The following TAFA2 variants were observed in gnomAD, a reference collection of about 807,000 sequenced individuals.
TAFA2 encodes chemokine-like protein TAFA-2.
A neutral mutation model predicts 18.8 loss-of-function variants in TAFA2; 7 were observed. The ratio of observed to expected loss-of-function variants is 0.37; its 90% CI spans 0.21 to 0.70. The LOEUF (loss-of-function observed/expected upper bound fraction) is 0.70. TAFA2 is among the 30% of genes least tolerant of loss of function. TAFA2 has a pLI of 0.53. For synonymous variants in TAFA2, 60 were observed against 54.2 expected, an observed-to-expected ratio of 1.11 and a Z score of -0.47; for missense variants, 122 against 158.1, an observed-to-expected ratio of 0.77 and a Z score of 1.23.
At position 61,789,378 on chromosome 12, in the gene TAFA2, A is replaced by G. The variant is rs1169436904; in HGVS notation, c.107-34354T>C. Among the ~76,000 whole-genome samples the G allele has an allele frequency of 2.0e-5, 3 of 152,000 alleles. No individual in the cohort carries two copies. The East Asian group carries it at 5.8e-4, about 30-fold the overall frequency. ...CTGCACATGGCTAGCCAGTTTTCCCAACACCATTTATTAAATAGGGAATCC... is the reference window on the plus strand; with the variant it reads ...CTGCACATGGCTAGCCAGTTTTCCCGACACCATTTATTAAATAGGGAATCC... On this transcript the variant is annotated intron_variant, in intron 2 of 4. Coordinates refer to ENST00000416284, the MANE Select transcript of TAFA2 (RefSeq NM_178539.5).
intron 1 of TAFA2, among the ~76,000 whole-genome samples, chr12:62,146,283 G>GC (rs1287722323): frequency 1.2e-5 from 1 of 82,704 alleles, no homozygotes. Flanking sequence ...CCCCTTTGCT[G>GC]CTTTTTTTTT....
At position 61,760,622 on chromosome 12, in the gene TAFA2, A is replaced by G. The variant is rs1869502516; in HGVS notation, c.107-5598T>C. ...CAAGCAATTTAAAAAGATAAAACTA[A>G]TTCCTGTGGTTTTTCTTTAAAAGGT... On this transcript the variant is annotated intron_variant, in intron 2 of 4. Coordinates refer to ENST00000416284, the MANE Select transcript of TAFA2 (RefSeq NM_178539.5). Among the ~76,000 whole-genome samples, 6 of 151,726 alleles carry G rather than the reference A, an allele frequency of 4.0e-5. No individual in the cohort carries two copies. The South Asian group carries it at 1.2e-3, about 31-fold the overall frequency.
chr12:62,230,683 T>C (rs1026144126), intron 1 of TAFA2, among the ~76,000 whole-genome samples: 2 of 152,188 alleles, frequency 1.3e-5, no homozygotes, highest in African/African-American at 4.8e-5. Context: ...TGTTTGTTTG[T>C]TTGTTTGTTT....
Position 61,753,746 on chromosome 12 carries a change from G to A in TAFA2, c.260C>T (p.Ala87Val). 6.3e-7 allele frequency: 1 copy of A among 1,597,368 alleles called. No individual in the cohort carries two copies. The highest frequency in any genetic ancestry group is 8.5e-7 in the Non-Finnish European group (1 of 1,173,170). Residue 87 changes from alanine to valine, a missense_variant and splice_region_variant, in exon 4 of 5, where the codon GCT becomes GTT. Around this residue, in one of 2 missense-constraint regions of TAFA2, gnomAD observed 60 missense variants for 102.7 expected, o/e 0.58. Transcript: ENST00000416284. Reference protein sequence around the residue: ...TTRAAPSCVDASIVEQKWWCH... With the variant: ...TTRAAPSCVDVSIVEQKWWCH... ...CCACCATTTCTGTTCCACTATTGAA[G>A]CTATAAGAGAGAAAAAAAATTGACT...
At chr12:61,872,343 G>T (rs184077206) in intron 1 of TAFA2, among the ~76,000 whole-genome samples, 1 of 152,062 alleles carries the variant, frequency 6.6e-6, no homozygotes, top group Non-Finnish European at 1.5e-5. Flanking sequence ...TCTTTACATT[G>T]ATCTAAATAC....
intron 1 of TAFA2, among the ~76,000 whole-genome samples, chr12:62,124,295 G>A (rs535917695): frequency 3.5e-5 from 5 of 143,122 alleles, no homozygotes; most frequent in African/African-American, 1.2e-4. Flanking sequence ...AGATTTCTGA[G>A]GAAGTTAAAA....
rs143208817 is a variant in TAFA2, at chr12:61,956,085, C to G, written c.-1-88659G>C. On this transcript the variant is annotated intron_variant, in intron 1 of 4. Coordinates refer to ENST00000416284, the MANE Select transcript of TAFA2 (RefSeq NM_178539.5). The stretch of plus-strand genomic sequence containing the variant: ...CTAGTTTCCCACAAATGTATGCATA[C>G]TAGCTAGATTTTTTTCAAACACTTT... Among the ~76,000 whole-genome samples the G allele has an allele frequency of 3.3e-3, 507 of 152,166 alleles. 1 individual carries two copies. The highest frequency in any genetic ancestry group is 5.9e-3 in the Non-Finnish European group (399 of 68,010).
At chr12:62,178,960 T>C (rs2062533684) in intron 1 of TAFA2, among the ~76,000 whole-genome samples, 1 of 152,226 alleles carries the variant, frequency 6.6e-6, no homozygotes, top group Non-Finnish European at 1.5e-5. Flanking sequence ...GTATGATTTT[T>C]ACCTTTCTCT....
chr12:61,785,246 C>T (rs552267889), intron 2 of TAFA2, among the ~76,000 whole-genome samples: 5 of 150,988 alleles, frequency 3.3e-5, no homozygotes, highest in African/African-American at 1.2e-4. Flanking sequence ...TTTCATGTAA[C>T]GTAATGTCCT....
rs377355571 is a variant in TAFA2, at chr12:61,936,289, G to A, written c.-1-68863C>T. Among the ~76,000 whole-genome samples, 24 of 152,010 alleles carry A rather than the reference G, an allele frequency of 1.6e-4. No homozygotes were observed. The South Asian group carries it at 1.9e-3, about 12-fold the overall frequency. ...CAACAAAATCCAGCATCCCTTGGCC[G>A]GGCACAGTTGCTAATGCCTGTAATC... On this transcript the variant is annotated intron_variant, in intron 1 of 4. Coordinates refer to ENST00000416284, the MANE Select transcript of TAFA2 (RefSeq NM_178539.5).
chr12:61,950,808 C>A (rs1878439492), intron 1 of TAFA2, among the ~76,000 whole-genome samples: 1 of 152,044 alleles, frequency 6.6e-6, no homozygotes, highest in African/African-American at 2.4e-5. Context: ...ATTATAATAA[C>A]CAGTAGATAG....
chr12:62,018,258 G>A (rs977149816), intron 1 of TAFA2, among the ~76,000 whole-genome samples: 1 of 152,034 alleles, frequency 6.6e-6, no homozygotes, highest in Non-Finnish European at 1.5e-5. Context: ...TTAACATACT[G>A]GAATAACAAT....
chr12:61,835,786 G>A (rs1872895709), intron 2 of TAFA2, among the ~76,000 whole-genome samples: 1 of 151,802 alleles, frequency 6.6e-6, no homozygotes, highest in Admixed American at 6.6e-5. Context: ...ATAAAATGGT[G>A]CAAACATTTT....
intron 1 of TAFA2, among the ~76,000 whole-genome samples, chr12:61,981,899 A>G (rs1879648810): frequency 6.6e-6 from 1 of 152,200 alleles, no homozygotes; most frequent in Non-Finnish European, 1.5e-5. Flanking sequence ...TCAAGGATCT[A>G]GAACCAGAAT....
intron 1 of TAFA2, among the ~76,000 whole-genome samples, chr12:62,067,860 G>T (rs1039434643): frequency 2.0e-5 from 3 of 151,940 alleles, no homozygotes; most frequent in Non-Finnish European, 2.9e-5. Flanking sequence ...TAAAACATCA[G>T]ACTTCACAAT....
chr12:62,241,070 G>A lies in TAFA2; in HGVS notation c.-130+17693C>T, dbSNP rs191365057. On this transcript the variant is annotated intron_variant, in intron 1 of 5. Transcript: ENST00000551619. ...TTAAAGGCTTATTCTGTCTACTTTT[G>A]CAACATGTTATATAAACTCCTTGAG... 3.7e-4 allele frequency among the ~76,000 whole-genome samples: 57 copies of A among 152,178 alleles called. No homozygotes were observed. In the Middle Eastern group the frequency reaches 0.02, roughly 54 times the overall value.
chr12:61,929,818 T>G (rs1436819985), intron 1 of TAFA2, among the ~76,000 whole-genome samples: 1 of 151,982 alleles, frequency 6.6e-6, no homozygotes, highest in African/African-American at 2.4e-5. Context: ...TGGAATACTA[T>G]GCAGCCATAA....
intron 1 of TAFA2, among the ~76,000 whole-genome samples, chr12:62,129,621 T>C (rs1199034991): frequency 6.6e-6 from 1 of 152,034 alleles, no homozygotes; most frequent in African/African-American, 2.4e-5. Flanking sequence ...TACTAAATCC[T>C]AATTTAATTT....
chr12:61,821,959 C>T lies in TAFA2; in HGVS notation c.106+45361G>A, dbSNP rs190701913. Among the ~76,000 whole-genome samples, 457 of 152,092 alleles carry T rather than the reference C, an allele frequency of 3.0e-3. 4 individuals carry two copies. Among genetic ancestry groups the T allele is most frequent in the African/African-American group, 0.01 (434 of 41,498 alleles). On this transcript the variant is annotated intron_variant, in intron 2 of 4. Transcript: ENST00000416284. Reference sequence around the variant, plus strand: ...ATTAGCCCCACTTTTTAGATAATTACAGTTTAAGTATTGAATTAATTAATT... The same window carrying T: ...ATTAGCCCCACTTTTTAGATAATTATAGTTTAAGTATTGAATTAATTAATT...
Sources: gnomAD v4.1 joint callset for allele counts (sites outside exome capture counted in the v4.1 genomes callset) on GRCh38, gnomAD v4.1.1 for gene constraint, gnomAD v4.1.1 regional missense constraint, MANE v1.5 for transcripts, NCBI Gene and HGNC (gene_info 2026-07-23, HGNC 2026-07-21) for gene names.